The following RASEF variants were observed in gnomAD, a reference collection of about 807,000 sequenced individuals.
RASEF encodes the protein ras and EF-hand domain-containing protein.
Under a neutral mutation model 90.1 loss-of-function variants are expected in RASEF, and 68 were observed. The ratio of observed to expected loss-of-function variants is 0.75; its 90% CI spans 0.62 to 0.92. The LOEUF (loss-of-function observed/expected upper bound fraction) is 0.92. Among genes scored for constraint, RASEF ranks in the 40% least tolerant of loss-of-function variants. The pLI, the probability that RASEF is intolerant of heterozygous loss-of-function variation, is 0.00. For missense variants in RASEF, 949 were observed against 937.2 expected (o/e 1.01, Z -0.16); for synonymous variants, 331 against 345.2 (o/e 0.96, Z 0.46).
At chr9:83,107,938 T>A in the RASEF span, among the ~76,000 whole-genome samples, 47 of 152,230 alleles carry the variant, frequency 3.1e-4, no homozygotes, top group South Asian at 1.2e-3. Context: ...TACAGATGAA[T>A]CTCAAAAACA....
At chr9:83,001,818 G>T (rs963915633) in intron 9 of RASEF, among the ~76,000 whole-genome samples, 9 of 152,126 alleles carry the variant, frequency 5.9e-5, no homozygotes, top group Admixed American at 5.9e-4. Flanking sequence ...TTAGAAACAT[G>T]ACTGGAATGT....
chr9:83,097,921 T>C, the RASEF span, among the ~76,000 whole-genome samples: 1 of 152,346 alleles, frequency 6.6e-6, no homozygotes, highest in South Asian at 2.1e-4. Flanking sequence ...AGGCCTTTTA[T>C]AGGCACTAGT....
chr9:83,062,840 G>A lies in RASEF; in HGVS notation c.28C>T (p.Leu10=). 16 of 1,542,258 alleles carry A rather than the reference G, an allele frequency of 1.0e-5. No individual in the cohort carries two copies. Among genetic ancestry groups the A allele is most frequent in the Non-Finnish European group, 1.3e-5 (15 of 1,155,200 alleles). MEADGDGEE[L]ARLRSVFAAC... is the part of the protein sequence containing the mutation. ...GCGAAGACTGAGCGCAGCCGGGCCA[G>A]CTCCTCTCCGTCCCCATCCGCCTCC... The change falls in exon 1 of 17, where the codon CTG becomes TTG. Residue 10 remains leucine (L), a synonymous_variant. Coordinates refer to ENST00000376447, the MANE Select transcript of RASEF (RefSeq NM_152573.4).
the RASEF span, among the ~76,000 whole-genome samples, chr9:83,200,461 C>T: frequency 1.3e-5 from 2 of 152,166 alleles, no homozygotes; most frequent in Non-Finnish European, 2.9e-5. Flanking sequence ...AATTAGAAGC[C>T]TTGCACTTGT....
At chr9:83,059,065 G>T (rs979617624) in intron 1 of RASEF, among the ~76,000 whole-genome samples, 3 of 152,080 alleles carry the variant, frequency 2.0e-5, no homozygotes, top group Non-Finnish European at 4.4e-5. Context: ...ACCCTCAGTG[G>T]TTCCAGTGCC....
chr9:83,076,570 C>CAGTT, the RASEF span, among the ~76,000 whole-genome samples: 83,259 of 151,474 alleles, frequency 0.55, 23,253 homozygotes, highest in East Asian at 0.77. Flanking sequence ...TTTCAGCTCT[C>CAGTT]AATGTTTTCC....
At chr9:83,012,828 G>C (rs1829272994) in intron 4 of RASEF, among the ~76,000 whole-genome samples, 1 of 152,064 alleles carries the variant, frequency 6.6e-6, no homozygotes, top group Non-Finnish European at 1.5e-5. Context: ...ATTAGAATCT[G>C]GATCTTTTTA....
At chr9:83,124,056 T>C in the RASEF span, among the ~76,000 whole-genome samples, 4 of 152,240 alleles carry the variant, frequency 2.6e-5, no homozygotes, top group African/African-American at 9.6e-5. Context: ...GTATTTGTCC[T>C]TTTGTGACTG....
chr9:83,125,711 C>T, the RASEF span, among the ~76,000 whole-genome samples: 11 of 152,102 alleles, frequency 7.2e-5, no homozygotes, highest in African/African-American at 2.7e-4. Context: ...AACAGTAGGA[C>T]CCCAGGCTCT....
chr9:83,211,925 C>T, the RASEF span, among the ~76,000 whole-genome samples: 55,796 of 152,052 alleles, frequency 0.37, 11,924 homozygotes, highest in Middle Eastern at 0.53. Flanking sequence ...CATGAAGACC[C>T]ATTGTCAGGA....
chr9:83,093,367 C>T, the RASEF span, among the ~76,000 whole-genome samples: 2 of 152,316 alleles, frequency 1.3e-5, no homozygotes, highest in South Asian at 4.1e-4. Flanking sequence ...GTCGGGGAGG[C>T]TCGGGCAGCA....
chr9:83,217,794 TG>T, the RASEF span, among the ~76,000 whole-genome samples: 5 of 152,010 alleles, frequency 3.3e-5, no homozygotes, highest in Non-Finnish European at 7.4e-5. Context: ...AAAATAGAGT[TG>T]GGGGGTGGGG....
chr9:82,993,237 A>G (rs2279814), intron 14 of RASEF, among the ~76,000 whole-genome samples: 73,048 of 151,954 alleles, frequency 0.48, 17,858 homozygotes, highest in East Asian at 0.73. Context: ...GAGAGGTTAA[A>G]TAAGAAGGTA....
the RASEF span, among the ~76,000 whole-genome samples, chr9:83,159,411 G>A: frequency 1.3e-5 from 2 of 152,084 alleles, no homozygotes; most frequent in Non-Finnish European, 2.9e-5. Flanking sequence ...AATGAATGAA[G>A]TATTAAAAAC....
At chr9:83,207,307 G>A in the RASEF span, among the ~76,000 whole-genome samples, 1 of 152,126 alleles carries the variant, frequency 6.6e-6, no homozygotes, top group African/African-American at 2.4e-5. Flanking sequence ...TGAAGGCAGG[G>A]GCTTTTCCTT....
At chr9:83,183,776 G>A in the RASEF span, among the ~76,000 whole-genome samples, 810 of 152,256 alleles carry the variant, frequency 5.3e-3, 7 homozygotes, top group African/African-American at 0.018. Flanking sequence ...AAAACTGTTC[G>A]TCTCGTAAGA....
At chr9:83,059,379 G>T (rs1340182852) in intron 1 of RASEF, among the ~76,000 whole-genome samples, 2 of 138,854 alleles carry the variant, frequency 1.4e-5, no homozygotes, top group Non-Finnish European at 1.5e-5. Context: ...AAAAAAAAAA[G>T]TGAGAGAACC....
At chr9:83,005,180 A>G (rs1829105278) in intron 8 of RASEF, among the ~76,000 whole-genome samples, 1 of 152,212 alleles carries the variant, frequency 6.6e-6, no homozygotes, top group East Asian at 1.9e-4. Context: ...CTATCTCTAG[A>G]TTCCTAGAAC....
At chr9:83,088,384 A>AGATAGATG in the RASEF span, among the ~76,000 whole-genome samples, 2 of 151,688 alleles carry the variant, frequency 1.3e-5, no homozygotes, top group East Asian at 3.9e-4. Flanking sequence ...ATAGATAGAT[A>AGATAGATG]GATAGATAGA....
Sources: gnomAD v4.1 joint callset for allele counts (sites outside exome capture counted in the v4.1 genomes callset) on GRCh38, gnomAD v4.1.1 for gene constraint, MANE v1.5 for transcripts, NCBI Gene and HGNC (gene_info 2026-07-23, HGNC 2026-07-21) for gene names.